SCHIP1: variants seen among roughly 807,000 people sequenced by gnomAD.
The protein encoded by SCHIP1 is schwannomin interacting protein 1.
SCHIP1 carries 8 observed loss-of-function variants against 29.7 expected under a neutral mutation model. The ratio of observed to expected loss-of-function variants is 0.27; its 90% CI spans 0.16 to 0.49. The LOEUF (loss-of-function observed/expected upper bound fraction) is 0.49. Ranked by LOEUF, SCHIP1 falls within the 20% of genes least tolerant of loss-of-function variation. SCHIP1 has a pLI of 0.99. For synonymous variants in SCHIP1, 76 were observed against 94.9 expected, an observed-to-expected ratio of 0.80 and a Z score of 1.16; for missense variants, 193 against 294.6, an observed-to-expected ratio of 0.66 and a Z score of 2.52.
the SCHIP1 span, among the ~76,000 whole-genome samples, chr3:159,411,916 G>A: frequency 6.6e-6 from 1 of 152,112 alleles, no homozygotes; most frequent in African/African-American, 2.4e-5. Flanking sequence ...ACCAAGAAAA[G>A]CCTAGACTTG....
At chr3:159,749,838 A>G in the SCHIP1 span, among the ~76,000 whole-genome samples, 1 of 152,206 alleles carries the variant, frequency 6.6e-6, no homozygotes, top group Non-Finnish European at 1.5e-5. Context: ...TTAAGCATCA[A>G]TGAACGTATT....
chr3:159,489,106 G>A, the SCHIP1 span, among the ~76,000 whole-genome samples: 1 of 152,186 alleles, frequency 6.6e-6, no homozygotes, highest in Admixed American at 6.5e-5. Flanking sequence ...TTTTGATTAA[G>A]TGATAAGAAA....
the SCHIP1 span, among the ~76,000 whole-genome samples, chr3:159,480,139 G>A: frequency 6.6e-6 from 1 of 152,228 alleles, no homozygotes; most frequent in South Asian, 2.1e-4. Context: ...TGGCACATTT[G>A]CTACCTGCCT....
chr3:159,704,864 TTTTCTTTCTTTCTTTCTTTCTTTC>T, the SCHIP1 span, among the ~76,000 whole-genome samples: 3 of 133,222 alleles, frequency 2.3e-5, no homozygotes, highest in Non-Finnish European at 4.8e-5. Context: ...TTCCTTCCTT[TTTTCTTTCTTTCTTTCTTTCTTTC>T]TTTCTTTCTT....
chr3:159,428,084 T>C, the SCHIP1 span, among the ~76,000 whole-genome samples: 1 of 151,980 alleles, frequency 6.6e-6, no homozygotes, highest in Non-Finnish European at 1.5e-5. Context: ...CCTAAAACCA[T>C]AAAAACCCTA....
the SCHIP1 span, among the ~76,000 whole-genome samples, chr3:159,793,638 A>G: frequency 6.6e-6 from 1 of 152,038 alleles, no homozygotes; most frequent in East Asian, 1.9e-4. Flanking sequence ...TCTCACTGCA[A>G]CTTCTGCCTC....
At chr3:159,403,754 G>T in the SCHIP1 span, among the ~76,000 whole-genome samples, 1 of 152,208 alleles carries the variant, frequency 6.6e-6, no homozygotes. Context: ...TCCTGATGAT[G>T]TTCTGGCTTG....
At chr3:159,384,112 C>A in the SCHIP1 span, among the ~76,000 whole-genome samples, 21 of 151,522 alleles carry the variant, frequency 1.4e-4, no homozygotes, top group Non-Finnish European at 2.9e-4. Flanking sequence ...CCTTCTCCTG[C>A]CTAATTGCCC....
At chr3:159,596,141 T>C in the SCHIP1 span, among the ~76,000 whole-genome samples, 189 of 152,240 alleles carry the variant, frequency 1.2e-3, no homozygotes, top group South Asian at 2.1e-3. Context: ...GGGCAAAGGA[T>C]ATGAACAGAC....
At chr3:159,586,725 G>C in the SCHIP1 span, among the ~76,000 whole-genome samples, 119 of 152,244 alleles carry the variant, frequency 7.8e-4, no homozygotes, top group Non-Finnish European at 1.3e-3. Context: ...TGCTAGGCCT[G>C]AGGATGGTCC....
At chr3:159,591,967 G>GCCCTCAAAAAAAGAAGA in the SCHIP1 span, among the ~76,000 whole-genome samples, 2 of 147,998 alleles carry the variant, frequency 1.4e-5, no homozygotes, top group African/African-American at 5.1e-5. Context: ...AATGTGGAGG[G>GCCCTCAAAAAAAGAAGA]CCCTCAAAAA....
chr3:159,631,279 G>C, the SCHIP1 span, among the ~76,000 whole-genome samples: 1 of 151,998 alleles, frequency 6.6e-6, no homozygotes, highest in East Asian at 1.9e-4. Flanking sequence ...AAAACAGTTT[G>C]ATGGTTTCTC....
At chr3:159,665,546 TTGTGTGTGTG>T in the SCHIP1 span, among the ~76,000 whole-genome samples, 672 of 147,564 alleles carry the variant, frequency 4.6e-3, 8 homozygotes, top group Admixed American at 0.025. Flanking sequence ...GTTTTTGGGG[TTGTGTGTGTG>T]TGTGTGTGTG....
the SCHIP1 span, among the ~76,000 whole-genome samples, chr3:159,680,692 T>C: frequency 1.5e-4 from 1 of 6,648 alleles, no homozygotes; most frequent in Non-Finnish European, 3.3e-4. Context: ...TATATGTATA[T>C]ATATAATATA....
chr3:159,686,772 A>G, the SCHIP1 span, among the ~76,000 whole-genome samples: 1 of 152,208 alleles, frequency 6.6e-6, no homozygotes, highest in Non-Finnish European at 1.5e-5. Context: ...AAATGTATTC[A>G]TGATTAAAGG....
the SCHIP1 span, among the ~76,000 whole-genome samples, chr3:159,758,393 C>T: frequency 3.3e-5 from 5 of 152,108 alleles, no homozygotes; most frequent in Admixed American, 6.5e-5. Flanking sequence ...CCTTGTGATC[C>T]GCCCGCCTCA....
chr3:159,397,931 C>T, the SCHIP1 span, among the ~76,000 whole-genome samples: 76 of 152,336 alleles, frequency 5.0e-4, no homozygotes, highest in African/African-American at 1.5e-3. Flanking sequence ...AGCCTCGCTG[C>T]CACCTTGCAG....
chr3:159,645,236 T>C, the SCHIP1 span, among the ~76,000 whole-genome samples: 1 of 152,060 alleles, frequency 6.6e-6, no homozygotes, highest in Non-Finnish European at 1.5e-5. Flanking sequence ...AAAACCCTCC[T>C]TCAATTAAGA....
chr3:159,279,239 A>C, the SCHIP1 span, among the ~76,000 whole-genome samples: 8 of 152,014 alleles, frequency 5.3e-5, no homozygotes. Flanking sequence ...GTCTCATGAG[A>C]TCTGATGGTT....
Sources: gnomAD v4.1 joint callset for allele counts (sites outside exome capture counted in the v4.1 genomes callset) on GRCh38, gnomAD v4.1.1 for gene constraint, MANE v1.5 for transcripts, NCBI Gene and HGNC (gene_info 2026-07-23, HGNC 2026-07-21) for gene names.